SGTB: variants seen among roughly 807,000 people sequenced by gnomAD.
The protein encoded by SGTB is small glutamine rich tetratricopeptide repeat co-chaperone beta.
SGTB carries 19 observed loss-of-function variants against 43.9 expected under a neutral mutation model. The observed-to-expected ratio is 0.43, with a 90% CI of 0.30 to 0.63. The LOEUF is 0.63. SGTB is among the 30% of genes least tolerant of loss of function. The pLI is 0.12. For missense variants in SGTB, 304 were observed against 358.9 expected (o/e 0.85, Z 1.24); for synonymous variants, 116 against 117.3 (o/e 0.99, Z 0.07).
At chr5:65,718,484 G>T (rs1222938528) in intron 2 of SGTB, among the ~76,000 whole-genome samples, 1 of 152,168 alleles carries the variant, frequency 6.6e-6, no homozygotes, top group Non-Finnish European at 1.5e-5. Context: ...AGTAGTGCTA[G>T]AGAGAGTGAC....
At chr5:65,703,228 T>TA (rs1478032181) in intron 5 of SGTB, among the ~76,000 whole-genome samples, 1 of 152,202 alleles carries the variant, frequency 6.6e-6, no homozygotes, top group Non-Finnish European at 1.5e-5. Context: ...TCTATCTCCC[T>TA]ATTCAAAAAT....
chr5:65,674,859 G>A (rs1329574009), intron 8 of SGTB, among the ~76,000 whole-genome samples: 1 of 152,060 alleles, frequency 6.6e-6, no homozygotes, highest in Non-Finnish European at 1.5e-5. Flanking sequence ...TACAAAACAT[G>A]TATTTGCTAG....
rs115510411 is a variant in SGTB, at chr5:65,679,472, C to A, written c.681+1022G>T. Among the ~76,000 whole-genome samples, 1,317 of 152,166 alleles carry A rather than the reference C, an allele frequency of 8.7e-3. 24 individuals are homozygous for A. Among genetic ancestry groups the A allele is most frequent in the African/African-American group, 0.03 (1,247 of 41,516 alleles). On this transcript the variant is annotated intron_variant, in intron 8 of 10. Coordinates refer to ENST00000381007, the MANE Select transcript of SGTB (RefSeq NM_019072.3). The stretch of plus-strand genomic sequence containing the variant: ...TCTCTACTGACAATACAATAATTAG[C>A]CAGGCATGGTTGTGGGTGCCTATAA...
At position 65,669,076 on chromosome 5, in the gene SGTB, GC is replaced by G. The variant is rs1252133511; in HGVS notation, c.*1169del. 6.6e-6 allele frequency: 1 copy of G among 151,986 alleles called. No homozygotes were observed. Among genetic ancestry groups the G allele is most frequent in the Admixed American group, 6.6e-5 (1 of 15,260 alleles). The allele number at this position is 151,986 out of a possible 1,614,324, so 9.4% of individuals were successfully genotyped here. A position where few individuals can be genotyped will look rare whatever the true frequency, so the allele number is the denominator to read the frequency against. ...TAGACCCATGCAATTAATACCTAAT[GC>G]CCCTTTTCTCCACTAACTAATATGG... On this transcript the variant is annotated 3_prime_UTR_variant, in exon 11 of 11. Transcript: ENST00000381007.
intron 8 of SGTB, among the ~76,000 whole-genome samples, chr5:65,675,443 T>C (rs906223779): frequency 1.3e-5 from 2 of 152,168 alleles, no homozygotes; most frequent in African/African-American, 4.8e-5. Context: ...TCATGAAAAA[T>C]ATGATGCTCT....
intron 10 of SGTB, among the ~76,000 whole-genome samples, 164 bp from the exon 11 acceptor site, chr5:65,670,521 A>G (rs1460780360): frequency 6.6e-6 from 1 of 152,226 alleles, no homozygotes; most frequent in African/African-American, 2.4e-5. Flanking sequence ...CAATGCCTCC[A>G]TATAGCATTA....
intron 2 of SGTB, among the ~76,000 whole-genome samples, chr5:65,716,929 A>G (rs1758163575): frequency 6.6e-6 from 1 of 152,102 alleles, no homozygotes; most frequent in Non-Finnish European, 1.5e-5. Context: ...TGGGTACACC[A>G]GGTCAGGGAA....
chr5:65,721,202 G>A (rs1758268409), intron 1 of SGTB, among the ~76,000 whole-genome samples: 1 of 152,196 alleles, frequency 6.6e-6, no homozygotes, highest in Non-Finnish European at 1.5e-5. Context: ...AAAAGCTGAT[G>A]TATACCAAGC....
chr5:65,690,224 A>C (rs1315035940), intron 5 of SGTB, among the ~76,000 whole-genome samples: 1 of 152,192 alleles, frequency 6.6e-6, no homozygotes, highest in Non-Finnish European at 1.5e-5. Flanking sequence ...GGATCACTTG[A>C]GTCCAGGAGT....
At chr5:65,693,341 GGGAAGGAA>G (rs562743782) in intron 5 of SGTB, among the ~76,000 whole-genome samples, 3 of 147,190 alleles carry the variant, frequency 2.0e-5, no homozygotes, top group Non-Finnish European at 4.5e-5. Context: ...GGAGAAGGGA[GGGAAGGAA>G]GGAAGGAAGG....
At chr5:65,718,020 G>C (rs1758183836) in intron 2 of SGTB, among the ~76,000 whole-genome samples, 1 of 152,118 alleles carries the variant, frequency 6.6e-6, no homozygotes, top group African/African-American at 2.4e-5. Flanking sequence ...ACAGATTGGA[G>C]GTACTGGTTG....
chr5:65,669,238 T>C lies in SGTB; in HGVS notation c.*1008A>G, dbSNP rs1329869854. The C allele has an allele frequency of 2.0e-5, 3 of 152,254 alleles. No homozygotes were observed. In the East Asian group the frequency reaches 5.8e-4, roughly 29 times the overall value. The allele number at this position is 152,254 out of a possible 1,614,324, so 9.4% of individuals were successfully genotyped here. A position where few individuals can be genotyped will look rare whatever the true frequency, so the allele number is the denominator to read the frequency against. On this transcript the variant is annotated 3_prime_UTR_variant, in exon 11 of 11. Transcript: ENST00000381007. ...TTACATGAACAAGCAATGTTAGTGATAGATGCTTTTTGTTATCCATCAAAT... is the reference window on the plus strand; with the variant it reads ...TTACATGAACAAGCAATGTTAGTGACAGATGCTTTTTGTTATCCATCAAAT...
Position 65,680,763 on chromosome 5 carries a change from C to A in SGTB, c.511G>T (p.Glu171Ter). ...GCCTTTTGATAACTTGTAACTGCTT[C>A]TTCAAATTTATTCAAGGCAGTGAGG... is the stretch of plus-strand genomic sequence containing the variant. ...LALTALNKFE[E>*]AVTSYQKALD... The change falls in exon 7 of 11, where the codon GAA becomes TAA. Residue 171 changes from glutamate to a stop codon, truncating the protein, a stop_gained. Transcript: ENST00000381007. LOFTEE classifies it high-confidence loss of function. 1.2e-6 allele frequency: 2 copies of A among 1,613,770 alleles called. No homozygotes were observed. The highest frequency in any genetic ancestry group is 1.7e-6 in the Non-Finnish European group (2 of 1,179,980).
chr5:65,696,833 C>G (rs1306144863), intron 5 of SGTB, among the ~76,000 whole-genome samples: 1 of 152,016 alleles, frequency 6.6e-6, no homozygotes, highest in East Asian at 1.9e-4. Flanking sequence ...TCAGTAGGAT[C>G]CTAAAAGGCC....
chr5:65,719,569 G>A lies in SGTB; in HGVS notation c.100+1139C>T, dbSNP rs546097120. Among the ~76,000 whole-genome samples the A allele has an allele frequency of 4.9e-4, 75 of 152,084 alleles. 1 individual carries two copies. The highest frequency in any genetic ancestry group is 1.8e-3 in the African/African-American group (74 of 41,474). Reference sequence around the variant, plus strand: ...GATTGTGCCACTACACTCCAGCCTGGGTGACAGAGCCAGACAGACCCTGTC... The same window carrying A: ...GATTGTGCCACTACACTCCAGCCTGAGTGACAGAGCCAGACAGACCCTGTC... On this transcript the variant is annotated intron_variant, in intron 2 of 10. Transcript: ENST00000381007.
At chr5:65,676,507 G>A (rs1757267809) in intron 8 of SGTB, among the ~76,000 whole-genome samples, 1 of 152,160 alleles carries the variant, frequency 6.6e-6, no homozygotes, top group South Asian at 2.1e-4. Flanking sequence ...ACACTCTGCT[G>A]ACAATAGTAG....
At chr5:65,691,824 G>A (rs1033907977) in intron 5 of SGTB, among the ~76,000 whole-genome samples, 16 of 151,232 alleles carry the variant, frequency 1.1e-4, no homozygotes, top group Non-Finnish European at 2.2e-4. Context: ...CCAGCTACTC[G>A]GGAGGCCGAC....
chr5:65,696,671 G>A (rs958217345), intron 5 of SGTB, among the ~76,000 whole-genome samples: 2 of 152,188 alleles, frequency 1.3e-5, no homozygotes, highest in African/African-American at 2.4e-5. Flanking sequence ...AAGGCAGAAC[G>A]TATGATAAGC....
rs1403707740 is a variant in SGTB, at chr5:65,669,622, C to G, written c.*624G>C. 6.6e-6 allele frequency: 1 copy of G among 152,476 alleles called. No homozygotes were observed. Among genetic ancestry groups the G allele is most frequent in the Admixed American group, 6.5e-5 (1 of 15,282 alleles). 9.4% of individuals were successfully genotyped at this position (152,476 alleles called of 1,614,324 possible). A position where few individuals can be genotyped will look rare whatever the true frequency, so the allele number is the denominator to read the frequency against. On this transcript the variant is annotated 3_prime_UTR_variant, in exon 11 of 11. Coordinates refer to ENST00000381007, the MANE Select transcript of SGTB (RefSeq NM_019072.3). Reference sequence around the variant, plus strand: ...ATTCGCATTACCAATTTTTTCTTTTCAAAACATCCCTTGCATCAAGTGCTA... The same window carrying G: ...ATTCGCATTACCAATTTTTTCTTTTGAAAACATCCCTTGCATCAAGTGCTA...
Sources: gnomAD v4.1 joint callset for allele counts (sites outside exome capture counted in the v4.1 genomes callset) on GRCh38, gnomAD v4.1.1 for gene constraint, MANE v1.5 for transcripts, NCBI Gene and HGNC (gene_info 2026-07-23, HGNC 2026-07-21) for gene names.